CNTNAP2: variants seen among roughly 807,000 people sequenced by gnomAD.
The protein encoded by CNTNAP2 is contactin associated protein 2.
A neutral mutation model predicts 155.2 loss-of-function variants in CNTNAP2; 98 were observed. The ratio of observed to expected loss-of-function variants is 0.63; its 90% CI spans 0.54 to 0.75. The LOEUF is 0.75. CNTNAP2 is among the 30% of genes least tolerant of loss of function. The pLI, the probability that CNTNAP2 is intolerant of heterozygous loss-of-function variation, is 0.00. For missense variants in CNTNAP2, 1,727 were observed against 1,688.1 expected, an observed-to-expected ratio of 1.02 and a Z score of -0.40; for synonymous variants, 651 against 631.2, an observed-to-expected ratio of 1.03 and a Z score of -0.47.
chr7:146,771,104 C>G (rs1431443177), intron 1 of CNTNAP2, among the ~76,000 whole-genome samples: 1 of 152,146 alleles, frequency 6.6e-6, no homozygotes, highest in Non-Finnish European at 1.5e-5. Flanking sequence ...CAATTCTCTT[C>G]CTCTCCACCT....
At chr7:146,511,133 C>T (rs1217429979) in intron 1 of CNTNAP2, among the ~76,000 whole-genome samples, 3 of 152,110 alleles carry the variant, frequency 2.0e-5, no homozygotes, top group Non-Finnish European at 2.9e-5. Context: ...CTCCTGACCT[C>T]GTGATCCACC....
intron 4 of CNTNAP2, among the ~76,000 whole-genome samples, chr7:147,065,875 T>C (rs569980374): frequency 6.6e-6 from 1 of 152,238 alleles, no homozygotes; most frequent in Non-Finnish European, 1.5e-5. Context: ...TTTTAGTCAA[T>C]ATTAAAATTA....
chr7:146,785,819 G>A lies in CNTNAP2; in HGVS notation c.208+11438G>A, dbSNP rs1309058010. Among the ~76,000 whole-genome samples, 3 of 152,206 alleles carry A rather than the reference G, an allele frequency of 2.0e-5. No individual in the cohort carries two copies. The East Asian group carries it at 5.8e-4, about 29-fold the overall frequency. On this transcript the variant is annotated intron_variant, in intron 2 of 23. Coordinates refer to ENST00000361727, the MANE Select transcript of CNTNAP2 (RefSeq NM_014141.6). ...GTAGAACAGAGACCATGAGGATAAT[G>A]TTGAGCTGATAAAGCATGCCTTTCT...
At position 147,562,332 on chromosome 7, in the gene CNTNAP2, G is replaced by A. The variant is rs1419138122; in HGVS notation, c.1897+75G>A. 7.6e-6 allele frequency: 12 copies of A among 1,586,558 alleles called. No individual in the cohort carries two copies. The East Asian group carries it at 2.5e-4, about 33-fold the overall frequency. On this transcript the variant is annotated intron_variant, in intron 12 of 23. Transcript: ENST00000361727. ...GAATAAGTAGTTCCACCAATGGTTTGTTTCTTTGGTGCTATGTTTTTATCA... is the reference window on the plus strand; with the variant it reads ...GAATAAGTAGTTCCACCAATGGTTTATTTCTTTGGTGCTATGTTTTTATCA...
intron 3 of CNTNAP2, among the ~76,000 whole-genome samples, chr7:146,980,394 G>A (rs555225659): frequency 4.6e-5 from 7 of 152,304 alleles, no homozygotes; most frequent in Non-Finnish European, 7.4e-5. Context: ...CCCAGTGGAA[G>A]GTTGATTCTC....
chr7:147,044,111 C>T (rs1268628396), intron 4 of CNTNAP2, 57 bp downstream of exon 4: 1 of 1,593,124 alleles, frequency 6.3e-7, no homozygotes. Flanking sequence ...AAATAGTAAG[C>T]TGTTTTATTT....
chr7:147,093,689 C>G (rs756040143), intron 4 of CNTNAP2, among the ~76,000 whole-genome samples: 3 of 152,108 alleles, frequency 2.0e-5, no homozygotes, highest in Non-Finnish European at 4.4e-5. Flanking sequence ...ATAGCCCCAA[C>G]AGTCTTAATT....
intron 13 of CNTNAP2, among the ~76,000 whole-genome samples, chr7:147,767,672 G>A (rs1220358075): frequency 1.3e-5 from 2 of 151,938 alleles, no homozygotes; most frequent in East Asian, 1.9e-4. Flanking sequence ...TGGGAGTACC[G>A]AGAGAATGAA....
chr7:148,315,212 G>A (rs1279711505), intron 21 of CNTNAP2, among the ~76,000 whole-genome samples: 1 of 152,176 alleles, frequency 6.6e-6, no homozygotes, highest in Non-Finnish European at 1.5e-5. Context: ...AATTTCACTT[G>A]CGTCCATGTG....
intron 21 of CNTNAP2, among the ~76,000 whole-genome samples, chr7:148,336,801 G>GA (rs1363684142): frequency 6.6e-6 from 1 of 152,204 alleles, no homozygotes; most frequent in Non-Finnish European, 1.5e-5. Context: ...TTTCAAATAT[G>GA]AAACACTCAA....
chr7:146,993,455 ACTC>A (rs1390427139), intron 3 of CNTNAP2, among the ~76,000 whole-genome samples: 1 of 151,906 alleles, frequency 6.6e-6, no homozygotes, highest in Admixed American at 6.6e-5. Flanking sequence ...CACTCCCTGA[ACTC>A]CTGCTGATTG....
intron 3 of CNTNAP2, among the ~76,000 whole-genome samples, chr7:146,871,642 ATATT>A (rs771751292): frequency 1.3e-5 from 2 of 152,248 alleles, no homozygotes; most frequent in East Asian, 3.9e-4. Flanking sequence ...AAAAATTACT[ATATT>A]TAACAATTAT....
chr7:147,392,519 T>C (rs1796737167), intron 9 of CNTNAP2, among the ~76,000 whole-genome samples: 1 of 152,018 alleles, frequency 6.6e-6, no homozygotes, highest in Admixed American at 6.6e-5. Flanking sequence ...CCCACCTTTC[T>C]TCCCTGAGTC....
intron 1 of CNTNAP2, among the ~76,000 whole-genome samples, chr7:146,720,696 T>A (rs1396999969): frequency 6.6e-6 from 1 of 151,892 alleles, no homozygotes; most frequent in Admixed American, 6.6e-5. Flanking sequence ...ACGTTTTCAC[T>A]CTTTATTATA....
intron 1 of CNTNAP2, among the ~76,000 whole-genome samples, chr7:146,654,951 T>C (rs938186937): frequency 1.3e-5 from 2 of 152,252 alleles, no homozygotes; most frequent in South Asian, 4.1e-4. Flanking sequence ...TGCTATAATC[T>C]CTTAGAAAAA....
At chr7:147,969,648 G>A (rs1801295735) in intron 14 of CNTNAP2, among the ~76,000 whole-genome samples, 1 of 152,130 alleles carries the variant, frequency 6.6e-6, no homozygotes, top group African/African-American at 2.4e-5. Flanking sequence ...AGGGCATGTA[G>A]CAGAGAGGAT....
intron 1 of CNTNAP2, among the ~76,000 whole-genome samples, chr7:146,722,900 A>G (rs995501678): frequency 3.9e-5 from 6 of 152,148 alleles, no homozygotes; most frequent in Admixed American, 6.5e-5. Context: ...CTCTAAGCCC[A>G]GCTACTTGGG....
At chr7:146,745,760 A>C (rs1563213924) in intron 1 of CNTNAP2, among the ~76,000 whole-genome samples, 1 of 138,938 alleles carries the variant, frequency 7.2e-6, no homozygotes, top group African/African-American at 2.9e-5. Context: ...GCAAGACTCC[A>C]TCTGAAAAAA....
chr7:146,579,654 T>G (rs961084198), intron 1 of CNTNAP2, among the ~76,000 whole-genome samples: 1 of 152,064 alleles, frequency 6.6e-6, no homozygotes, highest in Non-Finnish European at 1.5e-5. Context: ...ATTCATCATT[T>G]CACAAATTTG....
Sources: allele counts gnomAD v4.1 joint callset (sites outside exome capture counted in the v4.1 genomes callset), GRCh38; gene constraint gnomAD v4.1.1; transcripts MANE v1.5; gene names NCBI Gene and HGNC (gene_info 2026-07-23, HGNC 2026-07-21).